The following TFDP2 variants were observed in gnomAD, a reference collection of about 807,000 sequenced individuals.
TFDP2 encodes the protein transcription factor Dp-2 (E2F dimerization partner 2).
TFDP2 carries 17 observed loss-of-function variants against 59.3 expected under a neutral mutation model. The observed-to-expected ratio is 0.29, with a 90% CI of 0.20 to 0.43. TFDP2 has a LOEUF of 0.43. TFDP2 is among the 20% of genes least tolerant of loss of function. TFDP2 has a pLI of 1.00. For missense variants in TFDP2, 391 were observed against 528.8 expected, an observed-to-expected ratio of 0.74 and a Z score of 2.56; for synonymous variants, 180 against 194.7, an observed-to-expected ratio of 0.92 and a Z score of 0.63.
intron 10 of TFDP2, among the ~76,000 whole-genome samples, chr3:141,962,236 G>T (rs11569266): frequency 0.05 from 7,641 of 152,018 alleles, 274 homozygotes; most frequent in Non-Finnish European, 0.08. Context: ...GAGCCAACAC[G>T]CCCGGCCAAG....
At chr3:141,993,482 A>G in intron 6 of TFDP2, 56 bp downstream of exon 6, 3 of 1,176,854 alleles carry the variant, frequency 2.5e-6, no homozygotes, top group Non-Finnish European at 3.6e-6. Context: ...TGGCAATGCC[A>G]ACAGCCTCTC....
At chr3:142,077,881 G>A (rs2060516382) in intron 3 of TFDP2, among the ~76,000 whole-genome samples, 2 of 152,162 alleles carry the variant, frequency 1.3e-5, no homozygotes, top group South Asian at 2.1e-4. Flanking sequence ...GGCTCTTGGG[G>A]TCCCTGATTC....
At chr3:142,096,106 T>C (rs1037791896) in intron 2 of TFDP2, among the ~76,000 whole-genome samples, 4 of 152,198 alleles carry the variant, frequency 2.6e-5, no homozygotes, top group Non-Finnish European at 5.9e-5. Flanking sequence ...TAAGCAGCTG[T>C]ACACCTGCAT....
intron 9 of TFDP2, among the ~76,000 whole-genome samples, chr3:141,967,386 A>G (rs1011712824): frequency 1.4e-5 from 2 of 148,096 alleles, no homozygotes; most frequent in Non-Finnish European, 1.5e-5. Context: ...TCTGCCTCCC[A>G]GGTTCAAGAG....
intron 11 of TFDP2, among the ~76,000 whole-genome samples, chr3:141,954,964 G>C (rs1936409650): frequency 6.6e-6 from 1 of 152,006 alleles, no homozygotes; most frequent in Admixed American, 6.6e-5. Flanking sequence ...CTTTTTCTTT[G>C]AGACAGCTGG....
intron 3 of TFDP2, among the ~76,000 whole-genome samples, chr3:142,046,318 A>G (rs191949052): frequency 6.6e-6 from 1 of 152,332 alleles, no homozygotes; most frequent in Admixed American, 6.5e-5. Context: ...TCTTGTAAAT[A>G]TCTGAAATTT....
intron 11 of TFDP2, among the ~76,000 whole-genome samples, 187 bp from the exon 12 acceptor site, chr3:141,953,203 A>G (rs1438119726): frequency 1.3e-5 from 2 of 152,110 alleles, no homozygotes; most frequent in Admixed American, 6.5e-5. Context: ...TTTCTAGAAC[A>G]TAAGAGCAGG....
At chr3:142,037,383 A>T (rs1946738551) in intron 3 of TFDP2, among the ~76,000 whole-genome samples, 1 of 152,190 alleles carries the variant, frequency 6.6e-6, no homozygotes, top group Admixed American at 6.5e-5. Context: ...CATTAGAGAG[A>T]TGGTAAAGGG....
chr3:142,079,828 C>G (rs2060575577), intron 3 of TFDP2, among the ~76,000 whole-genome samples: 2 of 152,156 alleles, frequency 1.3e-5, no homozygotes, highest in South Asian at 4.1e-4. Flanking sequence ...GAAATAAAGA[C>G]TTTCCCAGAC....
At chr3:141,961,301 T>G (rs1367451356) in intron 10 of TFDP2, among the ~76,000 whole-genome samples, 3 of 145,220 alleles carry the variant, frequency 2.1e-5, no homozygotes, top group Non-Finnish European at 4.5e-5. Context: ...TGGAGTGCAG[T>G]GGCACGATCT....
chr3:142,016,628 A>G (rs1384668754), intron 3 of TFDP2, among the ~76,000 whole-genome samples: 1 of 152,168 alleles, frequency 6.6e-6, no homozygotes, highest in East Asian at 1.9e-4. Context: ...AAATGTTTGT[A>G]TAATGTTTTA....
intron 3 of TFDP2, among the ~76,000 whole-genome samples, chr3:142,030,375 A>C (rs1364213788): frequency 3.3e-5 from 5 of 152,224 alleles, no homozygotes; most frequent in African/African-American, 9.6e-5. Context: ...CTATAAAGTA[A>C]GTTTTTGTGG....
At chr3:142,148,827 G>A (rs1467775276) in intron 1 of TFDP2, among the ~76,000 whole-genome samples, 2 of 152,220 alleles carry the variant, frequency 1.3e-5, no homozygotes, top group Non-Finnish European at 2.9e-5. Flanking sequence ...AGAGGCCTGT[G>A]AGTCATGAAA....
intron 6 of TFDP2, among the ~76,000 whole-genome samples, chr3:141,991,306 T>C (rs1942737198): frequency 6.6e-6 from 1 of 152,204 alleles, no homozygotes; most frequent in Admixed American, 6.5e-5. Flanking sequence ...AAGTATAAAT[T>C]GCAATAAATG....
chr3:142,129,916 T>C (rs181893715), intron 1 of TFDP2, among the ~76,000 whole-genome samples: 457 of 152,244 alleles, frequency 3.0e-3, no homozygotes, highest in Non-Finnish European at 5.1e-3. Flanking sequence ...TTAGGATGGC[T>C]ACCATCAAAC....
rs558774814 is a variant in TFDP2, at chr3:142,107,733, C to T, written c.-92-5892G>A. 7.9e-5 allele frequency among the ~76,000 whole-genome samples: 12 copies of T among 152,200 alleles called. No individual in the cohort carries two copies. In the South Asian group the frequency reaches 2.5e-3, roughly 32 times the overall value. On this transcript the variant is annotated intron_variant, in intron 1 of 12. Transcript: ENST00000489671. ...CAATTTTCCCAGTTAACCAACTGTA[C>T]AAATTACAGTGCCAGAATATGAACT...
chr3:142,012,216 G>C (rs923343621), intron 3 of TFDP2, among the ~76,000 whole-genome samples: 4 of 152,094 alleles, frequency 2.6e-5, no homozygotes. Flanking sequence ...GTTTCACTGT[G>C]TTAGCCAGGA....
intron 2 of TFDP2, among the ~76,000 whole-genome samples, chr3:142,097,006 C>T (rs2061183912): frequency 6.6e-6 from 1 of 152,196 alleles, no homozygotes; most frequent in African/African-American, 2.4e-5. Flanking sequence ...AACACTTCAA[C>T]CCTGACACAG....
chr3:142,108,987 G>C (rs912816645), intron 1 of TFDP2, among the ~76,000 whole-genome samples: 2 of 152,142 alleles, frequency 1.3e-5, no homozygotes, highest in African/African-American at 4.8e-5. Context: ...TCTAGGTAAG[G>C]GGTATCAACC....
Sources: gnomAD v4.1 joint callset for allele counts (sites outside exome capture counted in the v4.1 genomes callset) on GRCh38, gnomAD v4.1.1 for gene constraint, MANE v1.5 for transcripts, NCBI Gene and HGNC (gene_info 2026-07-23, HGNC 2026-07-21) for gene names.